The following TCFL5 variants were observed in gnomAD, a reference collection of about 807,000 sequenced individuals.
TCFL5 encodes transcription factor-like 5 protein.
In TCFL5, 9 loss-of-function variants were observed where a neutral mutation model predicts 44.3. That is an observed-to-expected ratio of 0.20 (90% CI 0.12 to 0.35). The LOEUF is 0.35. Among genes scored for constraint, TCFL5 ranks in the 10% least tolerant of loss-of-function variants. TCFL5 has a pLI of 1.00. For missense variants in TCFL5, 603 were observed against 613.4 expected, an observed-to-expected ratio of 0.98 and a Z score of 0.18; for synonymous variants, 319 against 271.6, an observed-to-expected ratio of 1.17 and a Z score of -1.72.
intron 5 of TCFL5, among the ~76,000 whole-genome samples, chr20:62,843,605 T>C (rs1000839918): frequency 6.6e-6 from 1 of 152,198 alleles, no homozygotes; most frequent in African/African-American, 2.4e-5. Context: ...ATTGTGGTAT[T>C]AAAATATAGC....
chr20:62,844,185 C>G (rs900422162), intron 5 of TCFL5, among the ~76,000 whole-genome samples: 1 of 152,228 alleles, frequency 6.6e-6, no homozygotes, highest in African/African-American at 2.4e-5. Flanking sequence ...ACACCCCCAG[C>G]GGCAAAGCAC....
At position 62,858,834 on chromosome 20, in the gene TCFL5, G is replaced by C. The variant is rs1242853543; in HGVS notation, c.994+530C>G. Among the ~76,000 whole-genome samples, 9 of 150,504 alleles carry C rather than the reference G, an allele frequency of 6.0e-5. No homozygotes were observed. In the East Asian group the frequency reaches 1.6e-3, roughly 26 times the overall value. ...GGCTACGCAGGTGTTTCCCAGGGAG[G>C]AAGGGGCTACGCAGGTGTTTCCCAG... On this transcript the variant is annotated intron_variant, in intron 3 of 5. Coordinates refer to ENST00000335351, the MANE Select transcript of TCFL5 (RefSeq NM_006602.4).
In TCFL5 at chr20:62,861,747, A is replaced by AGGCGGGAGGCGACC. The variant is rs1321011728; in HGVS notation, c.-78_-77insGGTCGCCTCCCGCC. On this transcript the variant is annotated 5_prime_UTR_variant, in exon 1 of 6. Coordinates refer to ENST00000335351, the MANE Select transcript of TCFL5 (RefSeq NM_006602.4). The surrounding 1 kb of genome is among the most constrained non-coding windows in gnomAD (Gnocchi z 4.0). ...CGGGAGGCGGGAGGCGGGAGGCGGG[A>AGGCGGGAGGCGACC]GGCGACCCCCGGCCCGAGCACTACT... 2.1e-5 allele frequency: 3 copies of AGGCGGGAGGCGACC among 143,390 alleles called. No homozygotes were observed. The highest frequency in any genetic ancestry group is 5.1e-5 in the African/African-American group (2 of 39,020). 8.9% of individuals were successfully genotyped at this position (143,390 alleles called of 1,614,324 possible). A position where few individuals can be genotyped will look rare whatever the true frequency, so the allele number is the denominator to read the frequency against.
Position 62,849,164 on chromosome 20 carries a change from CA to C in TCFL5, c.1380+4851del, listed in dbSNP as rs35886043. Among the ~76,000 whole-genome samples the C allele has an allele frequency of 3.3e-3, 481 of 146,218 alleles. 3 individuals are homozygous for C. Among genetic ancestry groups the C allele is most frequent in the Non-Finnish European group, 5.1e-3 (341 of 66,514 alleles). ...TGGGCAACAGAGCGAGACGCCGTCT[CA>C]AAAAAAAAACACGGAAGTATTTAAG... On this transcript the variant is annotated intron_variant, in intron 5 of 5. Transcript: ENST00000335351.
intron 5 of TCFL5, chr20:62,852,004 T>C (rs1025061595): frequency 1.1e-6 from 1 of 905,520 alleles, no homozygotes; most frequent in African/African-American, 1.8e-5. Context: ...GGGGGTCTCA[T>C]CATGTTGGCC....
Position 62,857,556 on chromosome 20 carries a change from A to C in TCFL5, c.1077T>G (p.Leu359=), listed in dbSNP as rs753486513. The change falls in exon 4 of 6, where the codon CTT becomes CTG. Residue 359 remains leucine, a synonymous_variant. Transcript: ENST00000335351. ...QLDTNVERRA[L]GEIQNVGEGA... ...CTTCGCCCACATTCTGAATCTCTCCAAGGGCTCTTCGCTCTACATTTGTGT... is the reference window on the plus strand; with the variant it reads ...CTTCGCCCACATTCTGAATCTCTCCCAGGGCTCTTCGCTCTACATTTGTGT... 9 of 1,614,086 alleles carry C rather than the reference A, an allele frequency of 5.6e-6. No homozygotes were observed. Among genetic ancestry groups the C allele is most frequent in the Non-Finnish European group, 7.6e-6 (9 of 1,180,062 alleles).
intron 5 of TCFL5, among the ~76,000 whole-genome samples, chr20:62,844,509 G>A (rs1014918480): frequency 6.6e-6 from 1 of 151,948 alleles, no homozygotes; most frequent in African/African-American, 2.4e-5. Flanking sequence ...CTCCCGAGTA[G>A]CTGGGACTAC....
At chr20:62,855,005 C>T (rs145666317) in intron 4 of TCFL5, among the ~76,000 whole-genome samples, 173 of 152,304 alleles carry the variant, frequency 1.1e-3, no homozygotes, top group East Asian at 3.7e-3. Flanking sequence ...AAACTGTCAA[C>T]GTACGGTGTA....
rs982013531 is a variant in TCFL5, at chr20:62,861,314, G to A, written c.357C>T (p.Pro119=). ...LCPSALAADA[P]CLGHIDFQEL... Reference sequence around the variant, plus strand: ...CCTGGAAGTCGATGTGGCCCAGGCAGGGCGCGTCGGCCGCCAGCGCGGACG... The same window carrying A: ...CCTGGAAGTCGATGTGGCCCAGGCAAGGCGCGTCGGCCGCCAGCGCGGACG... Residue 119 remains proline (P), a synonymous_variant, in exon 1 of 6, where the codon CCC becomes CCT. Transcript: ENST00000335351. This position sits in a 1 kb window ranked among gnomAD's most constrained non-coding sequence, Gnocchi z 4.0. 9 of 1,159,424 alleles carry A rather than the reference G, an allele frequency of 7.8e-6. No individual in the cohort carries two copies. In the African/African-American group the frequency reaches 9.9e-5, roughly 13 times the overall value. The allele number at this position is 1,159,424 out of a possible 1,614,324, so 71.8% of individuals were successfully genotyped here.
chr20:62,845,666 G>A (rs529997286), intron 5 of TCFL5: 3 of 1,606,392 alleles, frequency 1.9e-6, no homozygotes, highest in African/African-American at 2.7e-5. Flanking sequence ...CGCTGACCAT[G>A]GCAGTATTTC....
intron 5 of TCFL5, chr20:62,845,763 A>G (rs1253863526): frequency 6.2e-7 from 1 of 1,606,288 alleles, no homozygotes; most frequent in African/African-American, 1.3e-5. Flanking sequence ...TAACTTCTCC[A>G]TCACCAAGGA....
In TCFL5 at chr20:62,861,332, C is replaced by T; in HGVS notation, c.339G>A (p.Ala113=). 3.5e-6 allele frequency: 4 copies of T among 1,139,690 alleles called. No individual in the cohort carries two copies. The highest frequency in any genetic ancestry group is 4.4e-6 in the Non-Finnish European group (4 of 918,968). The allele number at this position is 1,139,690 out of a possible 1,614,324, so 70.6% of individuals were successfully genotyped here. ...CCAGGCAGGGCGCGTCGGCCGCCAG[C>T]GCGGACGGGCACAGCACGGGGTACA... ...APVYPVLCPS[A]LAADAPCLGH... is the part of the protein sequence containing the mutation. The change falls in exon 1 of 6, where the codon GCG becomes GCA. Residue 113 remains alanine, a synonymous_variant. Coordinates refer to ENST00000335351, the MANE Select transcript of TCFL5 (RefSeq NM_006602.4). The surrounding 1 kb of genome is among the most constrained non-coding windows in gnomAD (Gnocchi z 4.0).
At chr20:62,857,864 C>T (rs1178679003) in intron 3 of TCFL5, among the ~76,000 whole-genome samples, 1 of 152,124 alleles carries the variant, frequency 6.6e-6, no homozygotes, top group African/African-American at 2.4e-5. Flanking sequence ...AATCATCACA[C>T]TAAATACGTT....
At chr20:62,857,681 TATCTC>T (rs1568792576) in intron 3 of TCFL5, 43 bp from the exon 4 acceptor site, 1 of 1,596,404 alleles carries the variant, frequency 6.3e-7, no homozygotes, top group Non-Finnish European at 8.5e-7. Context: ...TTTGTATTCT[TATCTC>T]AATTAATGCT....
chr20:62,846,821 A>T (rs1414297023), intron 5 of TCFL5, among the ~76,000 whole-genome samples: 1 of 152,030 alleles, frequency 6.6e-6, no homozygotes, highest in East Asian at 1.9e-4. Flanking sequence ...ACAATAAAAA[A>T]AATTTTCTTA....
intron 5 of TCFL5, among the ~76,000 whole-genome samples, chr20:62,853,224 C>T (rs1388285579): frequency 6.6e-6 from 1 of 152,050 alleles, no homozygotes; most frequent in African/African-American, 2.4e-5. Flanking sequence ...AGTATATGCA[C>T]CCAGTCCACA....
chr20:62,861,002 C>A lies in TCFL5; in HGVS notation c.647+22G>T. On this transcript the variant is annotated intron_variant, in intron 1 of 5. Coordinates refer to ENST00000335351, the MANE Select transcript of TCFL5 (RefSeq NM_006602.4). This position sits in a 1 kb window ranked among gnomAD's most constrained non-coding sequence, Gnocchi z 4.0. ...TCGGCCTCCACCCGGGCCCCGCCAG[C>A]CCCCGGCCGCCGGGCACGCACTTGT... is the stretch of plus-strand genomic sequence containing the variant. 2.0e-6 allele frequency: 2 copies of A among 992,626 alleles called. No individual in the cohort carries two copies. The highest frequency in any genetic ancestry group is 2.4e-6 in the Non-Finnish European group (2 of 835,398). The allele number at this position is 992,626 out of a possible 1,614,324, so 61.5% of individuals were successfully genotyped here.
chr20:62,854,838 T>C (rs1373832789), intron 4 of TCFL5, among the ~76,000 whole-genome samples: 1 of 152,252 alleles, frequency 6.6e-6, no homozygotes, highest in Non-Finnish European at 1.5e-5. Flanking sequence ...CACACCCGTC[T>C]ATTTAGAACT....
At chr20:62,843,677 G>T (rs756084580) in intron 5 of TCFL5, among the ~76,000 whole-genome samples, 4 of 152,216 alleles carry the variant, frequency 2.6e-5, no homozygotes, top group African/African-American at 4.8e-5. Flanking sequence ...TCCACTCACA[G>T]TGCTGTGCAG....
Sources: gnomAD v4.1 joint callset for allele counts (sites outside exome capture counted in the v4.1 genomes callset) on GRCh38, gnomAD v4.1.1 for gene constraint, Gnocchi (gnomAD v3.1) non-coding constraint, MANE v1.5 for transcripts, NCBI Gene and HGNC (gene_info 2026-07-23, HGNC 2026-07-21) for gene names.